The following RPS6KB1 variants were observed in gnomAD, a reference collection of about 807,000 sequenced individuals.
RPS6KB1 encodes the protein ribosomal protein S6 kinase beta-1.
A neutral mutation model predicts 70.2 loss-of-function variants in RPS6KB1; 12 were observed. That is an observed-to-expected ratio of 0.17 (90% CI 0.11 to 0.28). RPS6KB1 has a LOEUF of 0.28. Among genes scored for constraint, RPS6KB1 ranks in the 10% least tolerant of loss-of-function variants. The probability of loss-of-function intolerance (pLI) is 1.00; values close to 1 mark genes in which losing one functional copy is unlikely to be tolerated. For synonymous variants in RPS6KB1, 175 were observed against 211.2 expected (o/e 0.83, Z 1.49); for missense variants, 270 against 646.6 (o/e 0.42, Z 6.32).
rs191680961 is a variant in RPS6KB1, at chr17:59,926,700, T to G, written c.529+118T>G. 711 of 748,388 alleles carry G rather than the reference T, an allele frequency of 9.5e-4. 6 individuals are homozygous for G. The East Asian group carries it at 0.019, about 20-fold the overall frequency. The allele number at this position is 748,388 out of a possible 1,614,324, so 46.4% of individuals were successfully genotyped here. On this transcript the variant is annotated intron_variant, in intron 5 of 14. Transcript: ENST00000225577. ...ATGATCAAATAGTGCTTAAAATTGA[T>G]GAGTACACTGAAGTACAAAATTCAG...
chr17:59,933,282 A>G (rs2044048226), intron 7 of RPS6KB1, among the ~76,000 whole-genome samples: 1 of 151,626 alleles, frequency 6.6e-6, no homozygotes, highest in Non-Finnish European at 1.5e-5. Context: ...CCTCTCATCA[A>G]CACCTCCTCA....
intron 7 of RPS6KB1, among the ~76,000 whole-genome samples, chr17:59,933,774 A>C (rs1266818318): frequency 6.6e-6 from 1 of 152,216 alleles, no homozygotes; most frequent in Non-Finnish European, 1.5e-5. Context: ...GTACTGTCTC[A>C]CACCTTTGTT....
intron 13 of RPS6KB1, among the ~76,000 whole-genome samples, chr17:59,943,845 GC>G (rs1342318593): frequency 3.4e-5 from 5 of 145,538 alleles, no homozygotes; most frequent in Admixed American, 7.0e-5. Context: ...CTGCACTCCA[GC>G]CTGGGCGACA....
chr17:59,913,102 A>C (rs1385350799), intron 3 of RPS6KB1, among the ~76,000 whole-genome samples: 1 of 152,210 alleles, frequency 6.6e-6, no homozygotes, highest in African/African-American at 2.4e-5. Flanking sequence ...ACTTTGGTTA[A>C]ATGGTATCCT....
chr17:59,910,558 T>C lies in RPS6KB1; in HGVS notation c.142-4T>C, dbSNP rs919047236. 6.4e-7 allele frequency: 1 copy of C among 1,571,268 alleles called. No homozygotes were observed. The highest frequency in any genetic ancestry group is 1.8e-5 in the Admixed American group (1 of 57,056). ...ATTTCTGAAACTTTTAACATATTTTTCAGGGTCAGTTAAATGAAAGCATGG... is the reference window on the plus strand; with the variant it reads ...ATTTCTGAAACTTTTAACATATTTTCCAGGGTCAGTTAAATGAAAGCATGG... On this transcript the variant is annotated splice_polypyrimidine_tract_variant and splice_region_variant and intron_variant, in intron 1 of 14. Coordinates refer to ENST00000225577, the MANE Select transcript of RPS6KB1 (RefSeq NM_003161.4).
At chr17:59,912,650 G>A (rs1225215870) in intron 2 of RPS6KB1, 34 bp from the exon 3 acceptor site, 2 of 1,596,856 alleles carry the variant, frequency 1.3e-6, no homozygotes, top group East Asian at 4.5e-5. Flanking sequence ...TTAACTTTTT[G>A]CAAATTTATT....
intron 12 of RPS6KB1, among the ~76,000 whole-genome samples, chr17:59,940,622 T>C (rs897448461): frequency 6.6e-6 from 1 of 152,162 alleles, no homozygotes; most frequent in African/African-American, 2.4e-5. Flanking sequence ...AACTGTATAC[T>C]AAAATCTATT....
At chr17:59,928,324 G>A (rs1419617149) in intron 5 of RPS6KB1, among the ~76,000 whole-genome samples, 1 of 151,978 alleles carries the variant, frequency 6.6e-6, no homozygotes, top group East Asian at 1.9e-4. Context: ...GTTTAAGAGA[G>A]TGTTACAGAC....
At chr17:59,910,474 C>G in intron 1 of RPS6KB1, 88 bp from the exon 2 acceptor site, 1 of 781,484 alleles carries the variant, frequency 1.3e-6, no homozygotes, top group Non-Finnish European at 2.1e-6. Context: ...TTATTTCATT[C>G]ATTCTCTTTC....
intron 1 of RPS6KB1, among the ~76,000 whole-genome samples, chr17:59,905,661 T>C (rs909943939): frequency 9.2e-5 from 14 of 151,688 alleles, no homozygotes; most frequent in Admixed American, 2.6e-4. Flanking sequence ...CCCGCCACAA[T>C]GCCCGGCTAA....
rs1320301030 is a variant in RPS6KB1 at position 59,912,732 on chromosome 17, C to A, written c.240C>A (p.Asn80Lys). 6.2e-7 allele frequency: 1 copy of A among 1,613,920 alleles called. No individual in the cohort carries two copies. Among genetic ancestry groups the A allele is most frequent in the South Asian group, 1.1e-5 (1 of 91,072 alleles). Residue 80 changes from asparagine to lysine, a missense_variant, in exon 3 of 15, where the codon AAC (asparagine) becomes AAA (lysine). By Grantham distance (94) the Asn-to-Lys change is moderately conservative (BLOSUM62 0). Transcript: ENST00000225577. ...TTGAAATCTCAGAAACTAGTGTGAA[C>A]AGAGGGCCAGAAAAAATCAGACCAG... The part of the protein sequence containing the change: ...EKFEISETSV[N>K]RGPEKIRPEC...
In RPS6KB1 at chr17:59,912,766, G is replaced by C. The variant is rs2144795315; in HGVS notation, c.274G>C (p.Glu92Gln). 1 of 1,614,062 alleles carries C rather than the reference G, an allele frequency of 6.2e-7. No homozygotes were observed. The highest frequency in any genetic ancestry group is 8.5e-7 in the Non-Finnish European group (1 of 1,179,988). The change falls in exon 3 of 15, where the codon GAG (glutamate) becomes CAG (glutamine). Residue 92 changes from glutamate (E) to glutamine (Q), a missense_variant. By Grantham distance (29) the Glu-to-Gln change is conservative (BLOSUM62 2). Transcript: ENST00000225577. ...AGAAAAAATCAGACCAGAATGTTTT[G>C]AGCTACTTCGGGTACTTGGTAAAGG... ...GPEKIRPECF[E>Q]LLRVLGKGGY...
At position 59,947,562 on chromosome 17, in the gene RPS6KB1, T is replaced by C; in HGVS notation, c.*774T>C. 6.5e-7 allele frequency: 1 copy of C among 1,534,052 alleles called. No homozygotes were observed. Among genetic ancestry groups the C allele is most frequent in the Non-Finnish European group, 8.8e-7 (1 of 1,134,120 alleles). ...TGTAATATGAGAAAAAAAAAATGAATCTATTTAATCATTTCTACTTGCAGT... is the reference window on the plus strand; with the variant it reads ...TGTAATATGAGAAAAAAAAAATGAACCTATTTAATCATTTCTACTTGCAGT... On this transcript the variant is annotated 3_prime_UTR_variant, in exon 15 of 15. Transcript: ENST00000225577.
intron 4 of RPS6KB1, among the ~76,000 whole-genome samples, chr17:59,915,113 C>T (rs149382743): frequency 0.042 from 6,382 of 151,842 alleles, 477 homozygotes; most frequent in African/African-American, 0.15. Context: ...CTCAGCCTCC[C>T]GAGTAGCTGG....
chr17:59,895,948 A>T (rs995746191), intron 1 of RPS6KB1, among the ~76,000 whole-genome samples: 1 of 152,142 alleles, frequency 6.6e-6, no homozygotes, highest in African/African-American at 2.4e-5. Flanking sequence ...GTGCTTTTTC[A>T]ATGATGTTTT....
At chr17:59,936,610 C>T in intron 12 of RPS6KB1, 69 bp downstream of exon 12, 1 of 1,266,462 alleles carries the variant, frequency 7.9e-7, no homozygotes. Flanking sequence ...CTTTAAAGGG[C>T]CAAGGTGGGA....
At chr17:59,904,161 A>G (rs1205268806) in intron 1 of RPS6KB1, among the ~76,000 whole-genome samples, 1 of 151,176 alleles carries the variant, frequency 6.6e-6, no homozygotes, top group Non-Finnish European at 1.5e-5. Context: ...GCTCACTGCA[A>G]CCTCCACCTC....
chr17:59,905,382 AT>A (rs1448503818), intron 1 of RPS6KB1, among the ~76,000 whole-genome samples: 4 of 152,082 alleles, frequency 2.6e-5, no homozygotes, highest in African/African-American at 7.2e-5. Flanking sequence ...CGATTTATTG[AT>A]TTTTTAAATT....
chr17:59,927,661 C>T (rs1432813536), intron 5 of RPS6KB1, among the ~76,000 whole-genome samples: 1 of 151,442 alleles, frequency 6.6e-6, no homozygotes, highest in Non-Finnish European at 1.5e-5. Flanking sequence ...CATGCGCCAC[C>T]ACACTTGGCT....
Sources: allele counts gnomAD v4.1 joint callset (sites outside exome capture counted in the v4.1 genomes callset), GRCh38; gene constraint gnomAD v4.1.1; transcripts MANE v1.5; gene names NCBI Gene and HGNC (gene_info 2026-07-23, HGNC 2026-07-21).